Variants in STRBP observed in about 807,000 individuals in gnomAD.
STRBP encodes the protein spermatid perinuclear RNA-binding protein.
A neutral mutation model predicts 80.1 loss-of-function variants in STRBP; 13 were observed. The observed-to-expected ratio is 0.16, with a 90% CI of 0.11 to 0.26. STRBP has a LOEUF of 0.26. Among genes scored for constraint, STRBP ranks in the 10% least tolerant of loss-of-function variants. The pLI is 1.00. For synonymous variants in STRBP, 284 were observed against 291.2 expected (o/e 0.98, Z 0.25); for missense variants, 485 against 815.2 (o/e 0.59, Z 4.93).
At chr9:123,143,841 A>G (rs1564231743) in intron 13 of STRBP, among the ~76,000 whole-genome samples, 1 of 152,232 alleles carries the variant, frequency 6.6e-6, no homozygotes, top group Non-Finnish European at 1.5e-5. Flanking sequence ...ATGTTAGACC[A>G]TCACTAACAA....
intron 11 of STRBP, among the ~76,000 whole-genome samples, chr9:123,149,748 T>G (rs1406486554): frequency 6.6e-6 from 1 of 152,228 alleles, no homozygotes; most frequent in East Asian, 1.9e-4. Flanking sequence ...ATCTTACAGG[T>G]ATTAACTTAT....
At chr9:123,109,552 G>A (rs1370808635), downstream of STRBP, 1 of 152,422 alleles carries the variant, frequency 6.6e-6, no homozygotes, top group Non-Finnish European at 1.5e-5. Flanking sequence ...AATGCAACAT[G>A]TCAGGGCATT....
chr9:123,227,197 A>G (rs1297598961), intron 2 of STRBP, among the ~76,000 whole-genome samples: 1 of 152,214 alleles, frequency 6.6e-6, no homozygotes, highest in Non-Finnish European at 1.5e-5. Context: ...GTTAAATGTT[A>G]TGCAAAAATT....
At chr9:123,256,080 G>A (rs2041023504) in intron 1 of STRBP, among the ~76,000 whole-genome samples, 1 of 129,160 alleles carries the variant, frequency 7.7e-6, no homozygotes, top group Admixed American at 9.2e-5. Context: ...GTGGAGTGCA[G>A]TGGCATGATC....
chr9:123,196,545 T>A (rs1043528690), intron 2 of STRBP, among the ~76,000 whole-genome samples: 10 of 151,590 alleles, frequency 6.6e-5, no homozygotes, highest in African/African-American at 2.2e-4. Flanking sequence ...GAAAAAAAAA[T>A]CTAATAACCC....
chr9:123,142,188 T>C (rs1006309119), intron 13 of STRBP, among the ~76,000 whole-genome samples: 1 of 151,956 alleles, frequency 6.6e-6, no homozygotes, highest in East Asian at 1.9e-4. Flanking sequence ...TGGTGGGAGG[T>C]GATTGGATCA....
intron 14 of STRBP, among the ~76,000 whole-genome samples, chr9:123,137,243 G>C (rs769359916): frequency 2.0e-5 from 3 of 152,162 alleles, no homozygotes; most frequent in Admixed American, 6.5e-5. Context: ...AGCATCAAAA[G>C]CAAACTAACA....
At chr9:123,239,636 T>C (rs564902993) in intron 1 of STRBP, among the ~76,000 whole-genome samples, 6 of 152,334 alleles carry the variant, frequency 3.9e-5, no homozygotes, top group African/African-American at 1.4e-4. Context: ...TCATCTCTTT[T>C]TCCTATGCTA....
chr9:123,259,752 G>A (rs187074332), intron 1 of STRBP, among the ~76,000 whole-genome samples: 4 of 152,208 alleles, frequency 2.6e-5, no homozygotes, highest in Non-Finnish European at 2.9e-5. Context: ...GAGATCCCAC[G>A]AGGCAGTCCA....
In STRBP at chr9:123,268,420, C is replaced by T. The variant is rs1355875048; in HGVS notation, c.-302+16G>A. On this transcript the variant is annotated intron_variant, in intron 1 of 18. Transcript: ENST00000348403. ...CGGCCCGCCGCGCAGGCGCCCGCCC[C>T]GCCGCCGGAGCCTACCCGCGCCGCC... 2 of 152,298 alleles carry T rather than the reference C, an allele frequency of 1.3e-5. No individual in the cohort carries two copies. Among genetic ancestry groups the T allele is most frequent in the African/African-American group, 4.9e-5 (2 of 40,892 alleles). The allele number at this position is 152,298 out of a possible 1,614,324, so 9.4% of individuals were successfully genotyped here. A position where few individuals can be genotyped will look rare whatever the true frequency, so the allele number is the denominator to read the frequency against.
chr9:123,224,786 G>C (rs1371823725), intron 2 of STRBP, among the ~76,000 whole-genome samples: 1 of 152,150 alleles, frequency 6.6e-6, no homozygotes, highest in East Asian at 1.9e-4. Context: ...GTGAAAAAAA[G>C]ATACTTAAAA....
At chr9:123,266,639 C>T (rs2041272204) in intron 1 of STRBP, among the ~76,000 whole-genome samples, 2 of 152,008 alleles carry the variant, frequency 1.3e-5, no homozygotes, top group Admixed American at 1.3e-4. Flanking sequence ...TCTTAAGCAA[C>T]CTGTGTTCCT....
chr9:123,218,368 T>C (rs1394400180), intron 2 of STRBP, among the ~76,000 whole-genome samples: 1 of 141,790 alleles, frequency 7.1e-6, no homozygotes, highest in Non-Finnish European at 1.5e-5. Context: ...TTTTTTTTTT[T>C]TTTTTTTTTT....
chr9:123,202,012 C>T (rs1357009396), intron 2 of STRBP, among the ~76,000 whole-genome samples: 2 of 152,118 alleles, frequency 1.3e-5, no homozygotes, highest in African/African-American at 4.8e-5. Context: ...TTTGCCTTTA[C>T]TGTTGTTGAA....
At chr9:123,221,567 T>C (rs183450508) in intron 2 of STRBP, among the ~76,000 whole-genome samples, 1 of 152,372 alleles carries the variant, frequency 6.6e-6, no homozygotes, top group African/African-American at 2.4e-5. Context: ...GTTAACGTTT[T>C]GCTACATTTG....
intron 2 of STRBP, among the ~76,000 whole-genome samples, chr9:123,220,205 G>GTGA (rs937382008): frequency 2.6e-5 from 4 of 152,194 alleles, no homozygotes; most frequent in African/African-American, 9.7e-5. Context: ...ATTTAATACA[G>GTGA]TGATGCATTT....
intron 2 of STRBP, among the ~76,000 whole-genome samples, chr9:123,208,470 T>C (rs1033785311): frequency 2.0e-5 from 3 of 152,096 alleles, no homozygotes; most frequent in Non-Finnish European, 2.9e-5. Flanking sequence ...GGACTTACTC[T>C]AGTGCAGGAG....
intron 2 of STRBP, among the ~76,000 whole-genome samples, chr9:123,200,734 A>ATATTTTTTTTTTT (rs2039290313): frequency 2.7e-5 from 1 of 37,512 alleles, no homozygotes; most frequent in Non-Finnish European, 4.2e-5. Flanking sequence ...CACCCCGCTA[A>ATATTTTTTTTTTT]TTTTTTTTTT....
At chr9:123,235,999 AT>A (rs1407036497) in intron 2 of STRBP, among the ~76,000 whole-genome samples, 1 of 152,214 alleles carries the variant, frequency 6.6e-6, no homozygotes, top group African/African-American at 2.4e-5. Context: ...CAATCTCTAA[AT>A]CAGATTACCA....
Sources: allele counts gnomAD v4.1 joint callset (sites outside exome capture counted in the v4.1 genomes callset), GRCh38; gene constraint gnomAD v4.1.1; transcripts MANE v1.5; gene names NCBI Gene and HGNC (gene_info 2026-07-23, HGNC 2026-07-21).